Variants in CAPS2 observed in about 807,000 individuals in gnomAD.
CAPS2 encodes the protein calcyphosine 2, also known as calcyphosin-2.
Under a neutral mutation model 86.5 loss-of-function variants are expected in CAPS2, and 98 were observed. The ratio of observed to expected loss-of-function variants is 1.13; its 90% CI spans 0.96 to 1.34. The LOEUF (loss-of-function observed/expected upper bound fraction) is 1.34, where lower values mean the gene tolerates loss of function less well. Ranked by LOEUF, CAPS2 falls within the 40% of genes most tolerant of loss-of-function variation. The pLI is 0.00. For missense variants in CAPS2, 729 were observed against 686.8 expected (o/e 1.06, Z -0.69); for synonymous variants, 210 against 225.1 (o/e 0.93, Z 0.60).
chr12:75,318,772 T>C (rs1424287856), intron 5 of CAPS2, among the ~76,000 whole-genome samples: 1 of 152,114 alleles, frequency 6.6e-6, no homozygotes, highest in Non-Finnish European at 1.5e-5. Context: ...ATTGATTTTT[T>C]TTTTCTCCTT....
chr12:75,301,896 A>C (rs1171817513), intron 8 of CAPS2, among the ~76,000 whole-genome samples: 1 of 152,234 alleles, frequency 6.6e-6, no homozygotes, highest in Non-Finnish European at 1.5e-5. Context: ...ACCAATACAT[A>C]AAGAAGAATC....
At chr12:75,278,214 T>G in exon 17 of CAPS2, 1 of 981,682 alleles carries the variant, frequency 1.0e-6, no homozygotes, top group Non-Finnish European at 1.2e-6. Flanking sequence ...TTAGAATAAC[T>G]ACATTGTGCT....
At chr12:75,298,620 A>T in intron 11 of CAPS2, 67 bp downstream of exon 11, 1 of 1,207,894 alleles carries the variant, frequency 8.3e-7, no homozygotes, top group South Asian at 1.2e-5. Context: ...CTACTCCTCC[A>T]CCTCCATGGG....
rs375580656 is a variant in CAPS2, at chr12:75,281,621, T to G, written c.1612+630A>C. Reference sequence around the variant, plus strand: ...CATAGAGTAAGTAAAATTCATAATGTATTAACTGAAATATATATATGCTAA... The same window carrying G: ...CATAGAGTAAGTAAAATTCATAATGGATTAACTGAAATATATATATGCTAA... On this transcript the variant is annotated intron_variant, in intron 16 of 16. Coordinates refer to ENST00000393284, the Ensembl canonical transcript of CAPS2. Among the ~76,000 whole-genome samples the G allele has an allele frequency of 1.6e-4, 24 of 152,184 alleles. No individual in the cohort carries two copies. In the East Asian group the frequency reaches 3.7e-3, roughly 23 times the overall value.
At chr12:75,306,037 G>A (rs1157886787) in intron 7 of CAPS2, 7 of 1,470,062 alleles carry the variant, frequency 4.8e-6, no homozygotes, top group East Asian at 2.3e-5. Flanking sequence ...TTGAAGGGCC[G>A]CGGCGCCAGA....
chr12:75,382,423 C>T (rs545618450), intron 1 of CAPS2, among the ~76,000 whole-genome samples: 2 of 152,026 alleles, frequency 1.3e-5, no homozygotes, highest in South Asian at 4.2e-4. Flanking sequence ...GTAGATCACC[C>T]GAGGTCAGGA....
At chr12:75,368,795 C>T (rs61932933) in intron 1 of CAPS2, among the ~76,000 whole-genome samples, 4,601 of 151,872 alleles carry the variant, frequency 0.03, 144 homozygotes, top group African/African-American at 0.079. Context: ...GTTTAGTAGA[C>T]ATTCTCTATA....
intron 1 of CAPS2, among the ~76,000 whole-genome samples, chr12:75,375,588 T>C (rs1259631516): frequency 6.6e-6 from 1 of 152,226 alleles, no homozygotes; most frequent in Non-Finnish European, 1.5e-5. Flanking sequence ...TGGAAACTGA[T>C]TGAGGGTCTG....
intron 1 of CAPS2, among the ~76,000 whole-genome samples, chr12:75,362,806 T>G (rs549697691): frequency 6.6e-6 from 1 of 152,172 alleles, no homozygotes; most frequent in Non-Finnish European, 1.5e-5. Context: ...GAAGAAATAA[T>G]CATACTATCT....
At chr12:75,280,830 A>G (rs1430868719) in intron 16 of CAPS2, among the ~76,000 whole-genome samples, 1 of 151,918 alleles carries the variant, frequency 6.6e-6, no homozygotes, top group Non-Finnish European at 1.5e-5. Flanking sequence ...TTCATTTCAT[A>G]CTTAAAAGTA....
At chr12:75,378,252 A>G (rs140807899) in intron 1 of CAPS2, among the ~76,000 whole-genome samples, 57 of 152,272 alleles carry the variant, frequency 3.7e-4, no homozygotes, top group Middle Eastern at 3.4e-3. Flanking sequence ...CACCTGCCTC[A>G]GCCTCCCCAA....
chr12:75,295,730 A>G (rs1222598410), intron 11 of CAPS2, among the ~76,000 whole-genome samples: 1 of 152,218 alleles, frequency 6.6e-6, no homozygotes, highest in Admixed American at 6.5e-5. Context: ...ATGAATAGAT[A>G]AAAATATACA....
rs2038412492 is a variant in CAPS2, at chr12:75,305,855, T to G, written c.660-979A>C. 6.6e-6 allele frequency: 5 copies of G among 758,086 alleles called. No individual in the cohort carries two copies. The South Asian group carries it at 6.9e-5, about 10-fold the overall frequency. 47.0% of individuals were successfully genotyped at this position (758,086 alleles called of 1,614,324 possible). A position where few individuals can be genotyped will look rare whatever the true frequency, so the allele number is the denominator to read the frequency against. ...CACCAGCCTCATCCTCGCCCAGGTGTTCGGGATGCACCGCAGAGGCTGACC... is the reference window on the plus strand; with the variant it reads ...CACCAGCCTCATCCTCGCCCAGGTGGTCGGGATGCACCGCAGAGGCTGACC... On this transcript the variant is annotated intron_variant, in intron 7 of 16. Transcript: ENST00000393284.
chr12:75,375,139 C>T (rs2044583582), intron 1 of CAPS2, among the ~76,000 whole-genome samples: 1 of 152,150 alleles, frequency 6.6e-6, no homozygotes, highest in South Asian at 2.1e-4. Context: ...AGCCCTCACC[C>T]TATTGGTCAG....
intron 1 of CAPS2, chr12:75,363,299 A>T (rs1023948805): frequency 2.9e-5 from 13 of 448,000 alleles, no homozygotes; most frequent in Middle Eastern, 6.0e-4. Context: ...ACAAGATTTG[A>T]CTGTTGTTAT....
upstream of CAPS2, chr12:75,333,726 CTA>C (rs1184472747): frequency 6.6e-6 from 1 of 152,058 alleles, no homozygotes; most frequent in Non-Finnish European, 1.5e-5. Context: ...TCAAGGTTGA[CTA>C]TGGCGGATCA....
upstream of CAPS2, among the ~76,000 whole-genome samples, chr12:75,331,134 C>T (rs1308489279): frequency 6.6e-6 from 1 of 152,078 alleles, no homozygotes; most frequent in Non-Finnish European, 1.5e-5. Context: ...ATCAACTCCT[C>T]ATCTATAAAG....
Position 75,366,593 on chromosome 12 carries a change from C to A in CAPS2, c.-395+24245G>T, listed in dbSNP as rs181432875. Among the ~76,000 whole-genome samples the A allele has an allele frequency of 1.2e-4, 18 of 152,070 alleles. 1 individual carries two copies. Among genetic ancestry groups the A allele is most frequent in the Admixed American group, 9.8e-4 (15 of 15,268 alleles). On this transcript the variant is annotated intron_variant, in intron 1 of 5. Transcript: ENST00000551829. ...GAGAGGCACCCTAAAACTAACACGG[C>A]ACCTCAAAGTGGATCATTCTTGTCT...
intron 7 of CAPS2, chr12:75,305,483 T>C (rs1390917129): frequency 1.7e-6 from 1 of 579,514 alleles, no homozygotes; most frequent in Non-Finnish European, 3.3e-6. Context: ...GACCCCAACT[T>C]TGCAGCCGAG....
Sources: gnomAD v4.1 joint callset for allele counts (sites outside exome capture counted in the v4.1 genomes callset) on GRCh38, gnomAD v4.1.1 for gene constraint, MANE v1.5 for transcripts, NCBI Gene and HGNC (gene_info 2026-07-23, HGNC 2026-07-21) for gene names.